The following CSMD1 variants were observed in gnomAD, a reference collection of about 807,000 sequenced individuals.
CSMD1 encodes CUB and sushi domain-containing protein 1.
Under a neutral mutation model 417.5 loss-of-function variants are expected in CSMD1, and 213 were observed. The ratio of observed to expected loss-of-function variants is 0.51; its 90% confidence interval spans 0.46 to 0.57. The LOEUF (loss-of-function observed/expected upper bound fraction) is 0.57. Ranked by LOEUF, CSMD1 falls within the 20% of genes least tolerant of loss-of-function variation. CSMD1 has a pLI of 0.00. For missense variants in CSMD1, 6,923 were observed against 4,529.7 expected (o/e 1.53, Z -15.17); for synonymous variants, 2,862 against 1,736.8 (o/e 1.65, Z -16.11).
chr8:3,115,898 A>G (rs1158217587), intron 42 of CSMD1, among the ~76,000 whole-genome samples: 1 of 152,194 alleles, frequency 6.6e-6, no homozygotes, highest in Non-Finnish European at 1.5e-5. Flanking sequence ...TGGACCTTTG[A>G]AGATGGTTTT....
chr8:4,445,982 T>G (rs1488681800), intron 2 of CSMD1, among the ~76,000 whole-genome samples: 1 of 152,134 alleles, frequency 6.6e-6, no homozygotes, highest in Non-Finnish European at 1.5e-5. Flanking sequence ...AGCAACAATG[T>G]CAGTGCCTCT....
chr8:3,027,141 G>T (rs764763595), intron 51 of CSMD1, among the ~76,000 whole-genome samples: 1 of 152,024 alleles, frequency 6.6e-6, no homozygotes, highest in Non-Finnish European at 1.5e-5. Context: ...AATATATATA[G>T]TAGATATAAG....
chr8:4,319,502 C>G (rs1179023842), intron 3 of CSMD1, among the ~76,000 whole-genome samples: 1 of 152,058 alleles, frequency 6.6e-6, no homozygotes, highest in Non-Finnish European at 1.5e-5. Context: ...ACCAGATTTA[C>G]TCTCAGAGCA....
At chr8:4,091,401 A>G (rs1161584728) in intron 3 of CSMD1, among the ~76,000 whole-genome samples, 2 of 152,214 alleles carry the variant, frequency 1.3e-5, no homozygotes, top group African/African-American at 2.4e-5. Flanking sequence ...ATTTTAATGA[A>G]GTTATCAATT....
At chr8:4,356,476 TG>T (rs1414597587) in intron 3 of CSMD1, among the ~76,000 whole-genome samples, 1 of 152,172 alleles carries the variant, frequency 6.6e-6, no homozygotes, top group Admixed American at 6.5e-5. Flanking sequence ...TCTTTTCCTC[TG>T]AGTAGATACC....
intron 28 of CSMD1, among the ~76,000 whole-genome samples, chr8:3,219,962 A>G (rs1305840290): frequency 6.6e-6 from 1 of 152,142 alleles, no homozygotes; most frequent in Non-Finnish European, 1.5e-5. Context: ...CCTAGGTAAC[A>G]TAATGAGATC....
intron 5 of CSMD1, among the ~76,000 whole-genome samples, chr8:3,823,979 C>T (rs965477347): frequency 2.0e-5 from 3 of 152,066 alleles, no homozygotes; most frequent in Non-Finnish European, 4.4e-5. Flanking sequence ...TCAAATAGTT[C>T]TGAAACCTAA....
chr8:4,226,074 AC>A (rs1801334852), intron 3 of CSMD1, among the ~76,000 whole-genome samples: 1 of 87,552 alleles, frequency 1.1e-5, no homozygotes, highest in Non-Finnish European at 2.4e-5. Flanking sequence ...GCGGACACAC[AC>A]ACACACACAC....
intron 6 of CSMD1, among the ~76,000 whole-genome samples, chr8:3,748,386 G>C (rs1438446972): frequency 6.6e-6 from 1 of 152,134 alleles, no homozygotes; most frequent in African/African-American, 2.4e-5. Flanking sequence ...AAGATAGCAA[G>C]GGAGGTCCAC....
chr8:4,762,655 G>A (rs1812192013), intron 1 of CSMD1, among the ~76,000 whole-genome samples: 1 of 152,122 alleles, frequency 6.6e-6, no homozygotes, highest in Non-Finnish European at 1.5e-5. Context: ...CACCTCTGCT[G>A]TAGCTGTGTG....
At chr8:4,586,936 T>A (rs541118458) in intron 2 of CSMD1, among the ~76,000 whole-genome samples, 1 of 152,336 alleles carries the variant, frequency 6.6e-6, no homozygotes, top group Admixed American at 6.5e-5. Flanking sequence ...AGAACTTGCA[T>A]GCATGAATCT....
intron 1 of CSMD1, among the ~76,000 whole-genome samples, chr8:4,787,179 G>A (rs111635408): frequency 6.6e-6 from 1 of 152,206 alleles, no homozygotes; most frequent in Non-Finnish European, 1.5e-5. Flanking sequence ...GCGGAGCTCG[G>A]AAAGAGTGGC....
rs2128934758 is a variant in CSMD1, at chr8:2,974,555, G to A, written c.8636C>T (p.Ala2879Val). ...VLTGELFTYG[A>V]VVHYSCRGSE... Reference sequence around the variant, plus strand: ...CCCTCTGCAGGAGTAGTGCACGACGGCGCCATAGGTAAACAGCTCTCCAGT... The same window carrying A: ...CCCTCTGCAGGAGTAGTGCACGACGACGCCATAGGTAAACAGCTCTCCAGT... The change falls in exon 56 of 70, where the codon GCC becomes GTC. Residue 2879 changes from alanine (A) to valine (V), a missense_variant. Ala to Val is a moderately conservative substitution (Grantham distance 64). Transcript: ENST00000635120. 6.2e-7 allele frequency: 1 copy of A among 1,613,284 alleles called. No homozygotes were observed. The highest frequency in any genetic ancestry group is 8.5e-7 in the Non-Finnish European group (1 of 1,179,600).
At chr8:4,180,849 T>G (rs1399733520) in intron 3 of CSMD1, among the ~76,000 whole-genome samples, 1 of 152,130 alleles carries the variant, frequency 6.6e-6, no homozygotes, top group Non-Finnish European at 1.5e-5. Context: ...TTATGATATT[T>G]AAAAGCTCAC....
At chr8:3,034,725 TAGAG>T (rs1278036853) in intron 50 of CSMD1, among the ~76,000 whole-genome samples, 2 of 152,108 alleles carry the variant, frequency 1.3e-5, no homozygotes, top group Non-Finnish European at 2.9e-5. Flanking sequence ...ATATCATACT[TAGAG>T]AGGAAAAAGT....
intron 6 of CSMD1, among the ~76,000 whole-genome samples, chr8:3,747,425 T>C (rs1797114014): frequency 6.6e-6 from 1 of 152,154 alleles, no homozygotes; most frequent in Non-Finnish European, 1.5e-5. Context: ...TATTTTTTTT[T>C]TACTAATGGT....
chr8:4,342,931 C>G (rs1800563576), intron 3 of CSMD1, among the ~76,000 whole-genome samples: 2 of 152,034 alleles, frequency 1.3e-5, no homozygotes, highest in African/African-American at 2.4e-5. Context: ...ATATGCTGCA[C>G]ACTGATCTGT....
At chr8:4,675,411 C>G (rs1194769352) in intron 1 of CSMD1, among the ~76,000 whole-genome samples, 5 of 152,116 alleles carry the variant, frequency 3.3e-5, no homozygotes, top group Non-Finnish European at 7.4e-5. Flanking sequence ...AGCTGGCTGA[C>G]TGTTTTTGTC....
At chr8:4,280,100 A>G (rs1444151456) in intron 3 of CSMD1, among the ~76,000 whole-genome samples, 1 of 152,230 alleles carries the variant, frequency 6.6e-6, no homozygotes, top group Non-Finnish European at 1.5e-5. Context: ...TCTGTTTTGT[A>G]TGCTCTCTTC....
Sources: gnomAD v4.1 joint callset for allele counts (sites outside exome capture counted in the v4.1 genomes callset) on GRCh38, gnomAD v4.1.1 for gene constraint, MANE v1.5 for transcripts, NCBI Gene and HGNC (gene_info 2026-07-23, HGNC 2026-07-21) for gene names.